GALNT17: variants seen among roughly 807,000 people sequenced by gnomAD.
The protein encoded by GALNT17 is UDP-GalNAc:polypeptide N-acetylgalactosaminyltransferase-like 3.
In GALNT17, 29 loss-of-function variants were observed where a neutral mutation model predicts 63.7. The observed-to-expected ratio is 0.46, with a 90% CI of 0.34 to 0.62. The LOEUF (loss-of-function observed/expected upper bound fraction) is 0.62, where lower values mean the gene tolerates loss of function less well. GALNT17 is among the 20% of genes least tolerant of loss of function. GALNT17 has a pLI of 0.01. For missense variants in GALNT17, 603 were observed against 799.6 expected (o/e 0.75, Z 2.97); for synonymous variants, 305 against 318.3 (o/e 0.96, Z 0.45).
At chr7:71,427,064 A>G (rs1321692857) in intron 5 of GALNT17, among the ~76,000 whole-genome samples, 1 of 151,590 alleles carries the variant, frequency 6.6e-6, no homozygotes, top group Non-Finnish European at 1.5e-5. Flanking sequence ...AGGACTTTAT[A>G]TATAGCTTTT....
chr7:71,204,206 C>T (rs1415796458), intron 1 of GALNT17, among the ~76,000 whole-genome samples: 1 of 152,058 alleles, frequency 6.6e-6, no homozygotes, highest in African/African-American at 2.4e-5. Context: ...AATGCATTGA[C>T]TGTTAATGTG....
chr7:71,398,150 T>G (rs1793173700), intron 3 of GALNT17, among the ~76,000 whole-genome samples: 2 of 152,188 alleles, frequency 1.3e-5, no homozygotes, highest in Non-Finnish European at 2.9e-5. Context: ...GCTTCCATCC[T>G]CAATCTATTG....
intron 6 of GALNT17, among the ~76,000 whole-genome samples, chr7:71,656,344 G>C (rs1790828068): frequency 6.6e-6 from 1 of 152,150 alleles, no homozygotes; most frequent in East Asian, 1.9e-4. Context: ...GCCAAAGTTT[G>C]ATTAGGAGTT....
chr7:71,570,224 C>A (rs1789416343), intron 5 of GALNT17, among the ~76,000 whole-genome samples: 1 of 152,152 alleles, frequency 6.6e-6, no homozygotes, highest in Non-Finnish European at 1.5e-5. Flanking sequence ...TTTGTCCCGA[C>A]TTCATGGTTA....
intron 3 of GALNT17, among the ~76,000 whole-genome samples, chr7:71,411,304 A>C (rs2116420545): frequency 6.6e-6 from 1 of 152,046 alleles, no homozygotes; most frequent in Admixed American, 6.5e-5. Flanking sequence ...TATTTTTAGT[A>C]GAGATAAGGT....
chr7:71,329,940 T>TAC (rs1374155148), intron 1 of GALNT17, among the ~76,000 whole-genome samples: 1 of 28,018 alleles, frequency 3.6e-5, no homozygotes, highest in Non-Finnish European at 9.1e-5. Context: ...TGTATATATA[T>TAC]ACACACATAT....
At chr7:71,448,148 T>A (rs1318916954) in intron 5 of GALNT17, among the ~76,000 whole-genome samples, 1 of 152,228 alleles carries the variant, frequency 6.6e-6, no homozygotes, top group African/African-American at 2.4e-5. Context: ...ACTTCCAACA[T>A]GGCTATTGGA....
chr7:71,352,705 A>T (rs1792211674), intron 2 of GALNT17, among the ~76,000 whole-genome samples: 1 of 152,192 alleles, frequency 6.6e-6, no homozygotes, highest in South Asian at 2.1e-4. Flanking sequence ...AGAGAGCTGG[A>T]GATGTGGCAG....
chr7:71,461,977 T>G (rs1787458728), intron 5 of GALNT17, among the ~76,000 whole-genome samples: 1 of 152,218 alleles, frequency 6.6e-6, no homozygotes, highest in Admixed American at 6.5e-5. Context: ...TGTCCAGCAG[T>G]GCCATTATTT....
chr7:71,672,712 C>T (rs933153541), intron 8 of GALNT17, among the ~76,000 whole-genome samples: 3 of 152,114 alleles, frequency 2.0e-5, no homozygotes, highest in African/African-American at 7.2e-5. Context: ...CCACCACGCC[C>T]AGCTAATTTT....
At chr7:71,523,569 T>C (rs1226970934) in intron 5 of GALNT17, among the ~76,000 whole-genome samples, 1 of 150,792 alleles carries the variant, frequency 6.6e-6, no homozygotes, top group Admixed American at 6.6e-5. Flanking sequence ...AGCCTGGACA[T>C]GATAACAAGA....
chr7:71,134,158 A>T (rs1214805162), intron 1 of GALNT17, among the ~76,000 whole-genome samples: 1 of 152,132 alleles, frequency 6.6e-6, no homozygotes, highest in African/African-American at 2.4e-5. Context: ...ATAAGATATA[A>T]CTGCGCCCCA....
chr7:71,513,441 A>C (rs1788396244), intron 5 of GALNT17, among the ~76,000 whole-genome samples: 1 of 151,730 alleles, frequency 6.6e-6, no homozygotes, highest in African/African-American at 2.4e-5. Context: ...GCTGGAGTGC[A>C]GTGGCACCAT....
At chr7:71,500,962 T>C (rs1788171442) in intron 5 of GALNT17, among the ~76,000 whole-genome samples, 1 of 152,120 alleles carries the variant, frequency 6.6e-6, no homozygotes, top group South Asian at 2.1e-4. Context: ...TTCCACTGTC[T>C]TTTTAGTTTA....
chr7:71,466,108 A>G (rs1315373056), intron 5 of GALNT17, among the ~76,000 whole-genome samples: 1 of 152,212 alleles, frequency 6.6e-6, no homozygotes, highest in Admixed American at 6.5e-5. Flanking sequence ...CACTTCTGTC[A>G]GCTGACCCTG....
intron 1 of GALNT17, among the ~76,000 whole-genome samples, chr7:71,318,418 T>G (rs1583857001): frequency 2.0e-5 from 3 of 147,670 alleles, no homozygotes; most frequent in South Asian, 4.4e-4. Context: ...GCTCTTTTTT[T>G]TTTGTGTGTG....
chr7:71,173,895 A>G (rs937655492), intron 1 of GALNT17, among the ~76,000 whole-genome samples: 8 of 152,218 alleles, frequency 5.3e-5, no homozygotes, highest in Non-Finnish European at 7.3e-5. Flanking sequence ...CAGAGTAAGC[A>G]TTCAATAAAT....
intron 1 of GALNT17, among the ~76,000 whole-genome samples, chr7:71,205,893 G>A (rs78989178): frequency 0.015 from 2,274 of 152,024 alleles, 86 homozygotes; most frequent in East Asian, 0.096. Context: ...CTAACAATTT[G>A]CTATGATAGA....
At chr7:71,329,523 A>G (rs1009976371) in intron 1 of GALNT17, among the ~76,000 whole-genome samples, 9 of 152,072 alleles carry the variant, frequency 5.9e-5, no homozygotes, top group South Asian at 2.1e-4. Context: ...GTAATTTATG[A>G]CGAAAAGAGG....
Sources: allele counts gnomAD v4.1 joint callset (sites outside exome capture counted in the v4.1 genomes callset), GRCh38; gene constraint gnomAD v4.1.1; transcripts MANE v1.5; gene names NCBI Gene and HGNC (gene_info 2026-07-23, HGNC 2026-07-21).